CARM1: variants seen among roughly 807,000 people sequenced by gnomAD.
The protein encoded by CARM1 is coactivator associated arginine methyltransferase 1, also known as histone-arginine methyltransferase CARM1.
Under a neutral mutation model 72.7 loss-of-function variants are expected in CARM1, and 14 were observed. The observed-to-expected ratio is 0.19, with a 90% CI of 0.13 to 0.30. CARM1 has a LOEUF of 0.30. Among genes scored for constraint, CARM1 ranks in the 10% least tolerant of loss-of-function variants. CARM1 has a pLI of 1.00. For missense variants in CARM1, 432 were observed against 833.7 expected (o/e 0.52, Z 5.93); for synonymous variants, 333 against 345.5 (o/e 0.96, Z 0.40).
chr19:10,878,501 C>G (rs1176589260), intron 1 of CARM1, among the ~76,000 whole-genome samples: 1 of 152,178 alleles, frequency 6.6e-6, no homozygotes. Flanking sequence ...TCTGTGAGGT[C>G]AGAGATACCA....
Position 10,871,625 on chromosome 19 carries a change from GGCGGCGGCGGCGGCA to G in CARM1, c.-66_-52del, listed in dbSNP as rs1415856406. On this transcript the variant is annotated 5_prime_UTR_variant, in exon 1 of 16. Transcript: ENST00000327064. This position sits in a 1 kb window ranked among gnomAD's most constrained non-coding sequence, Gnocchi z 5.6. ...CGGCGGCGGCGGCGGCGGCGGCGGC[GGCGGCGGCGGCGGCA>G]GCGGCGGCGGCCTGGGCCCGGGCGC... 147 of 165,934 alleles carry G rather than the reference GGCGGCGGCGGCGGCA, an allele frequency of 8.9e-4. 1 individual carries two copies. Among genetic ancestry groups the G allele is most frequent in the South Asian group, 4.8e-3 (24 of 4,988 alleles). 10.3% of individuals were successfully genotyped at this position (165,934 alleles called of 1,614,324 possible).
At chr19:10,904,840 A>G in intron 1 of CARM1, 111 bp from the exon 2 acceptor site, 2 of 1,449,648 alleles carry the variant, frequency 1.4e-6, no homozygotes, top group South Asian at 2.5e-5. Flanking sequence ...GGCACTCTGG[A>G]AGAATCTGGG....
At chr19:10,874,148 T>C (rs898300160) in intron 1 of CARM1, among the ~76,000 whole-genome samples, 4 of 152,266 alleles carry the variant, frequency 2.6e-5, no homozygotes, top group African/African-American at 9.6e-5. Flanking sequence ...AAGGTTTCAC[T>C]ATGTCACTGT....
intron 1 of CARM1, among the ~76,000 whole-genome samples, chr19:10,883,824 C>T (rs1426800340): frequency 6.6e-6 from 1 of 151,378 alleles, no homozygotes; most frequent in Non-Finnish European, 1.5e-5. Flanking sequence ...TCAAGACCAG[C>T]CTGGCCAACA....
chr19:10,887,953 C>G (rs2073953800), intron 1 of CARM1, among the ~76,000 whole-genome samples: 1 of 152,238 alleles, frequency 6.6e-6, no homozygotes, highest in Non-Finnish European at 1.5e-5. Flanking sequence ...ACTGAGCTCT[C>G]TGTCCTTGGC....
In CARM1 at chr19:10,871,577, GGCGGTAGCGGCA is replaced by G. The variant is rs2073812515; in HGVS notation, c.-121_-110del. 4.8e-5 allele frequency: 7 copies of G among 144,892 alleles called. No homozygotes were observed. Among genetic ancestry groups the G allele is most frequent in the African/African-American group, 1.3e-4 (5 of 39,248 alleles). 9.0% of individuals were successfully genotyped at this position (144,892 alleles called of 1,614,324 possible). ...CCTCGGCCTGCACGGCGGCTGCGGC[GGCGGTAGCGGCA>G]GCGGCGGCGGCGGCGGCGGCGGCGG... On this transcript the variant is annotated 5_prime_UTR_variant, in exon 1 of 16. Transcript: ENST00000327064. The surrounding 1 kb of genome is among the most constrained non-coding windows in gnomAD (Gnocchi z 5.6).
rs1307488165 is a variant in CARM1 at position 10,871,586 on chromosome 19, G to GGCA, written c.-114_-112dup. 1.4e-4 allele frequency: 19 copies of GGCA among 131,246 alleles called. No individual in the cohort carries two copies. Among genetic ancestry groups the GGCA allele is most frequent in the African/African-American group, 4.0e-4 (14 of 35,360 alleles). The allele number at this position is 131,246 out of a possible 1,614,324, so 8.1% of individuals were successfully genotyped here. On this transcript the variant is annotated 5_prime_UTR_variant, in exon 1 of 16. Coordinates refer to ENST00000327064, the MANE Select transcript of CARM1 (RefSeq NM_199141.2). This position sits in a 1 kb window ranked among gnomAD's most constrained non-coding sequence, Gnocchi z 5.6. ...GCACGGCGGCTGCGGCGGCGGTAGCGGCAGCGGCGGCGGCGGCGGCGGCGG... is the reference window on the plus strand; with the variant it reads ...GCACGGCGGCTGCGGCGGCGGTAGCGGCAGCAGCGGCGGCGGCGGCGGCGGCGG...
At chr19:10,899,673 G>A (rs1021493456) in intron 1 of CARM1, among the ~76,000 whole-genome samples, 1 of 152,022 alleles carries the variant, frequency 6.6e-6, no homozygotes, top group African/African-American at 2.4e-5. Flanking sequence ...CATATCTGTA[G>A]GCCCTCATAC....
intron 1 of CARM1, among the ~76,000 whole-genome samples, chr19:10,893,511 T>G (rs571277978): frequency 1.1e-4 from 16 of 152,280 alleles, no homozygotes; most frequent in Non-Finnish European, 2.4e-4. Flanking sequence ...GCTAATTTTT[T>G]TTATTTTTAG....
At chr19:10,873,330 G>T (rs911227276) in intron 1 of CARM1, among the ~76,000 whole-genome samples, 1 of 151,922 alleles carries the variant, frequency 6.6e-6, no homozygotes, top group Non-Finnish European at 1.5e-5. Flanking sequence ...AGGACCAGGC[G>T]GGGTAGCTCA....
intron 1 of CARM1, among the ~76,000 whole-genome samples, chr19:10,883,278 C>T (rs1055668938): frequency 6.6e-6 from 1 of 152,138 alleles, no homozygotes; most frequent in African/African-American, 2.4e-5. Flanking sequence ...GAAGATGTAT[C>T]CCAAGTTGTC....
At chr19:10,876,902 G>T (rs767756045) in intron 1 of CARM1, among the ~76,000 whole-genome samples, 2 of 152,258 alleles carry the variant, frequency 1.3e-5, no homozygotes, top group African/African-American at 2.4e-5. Flanking sequence ...TTCTTGGTCA[G>T]CACGAGTCAG....
intron 3 of CARM1, 92 bp downstream of exon 3, chr19:10,908,237 A>C: frequency 1.2e-6 from 1 of 819,558 alleles, no homozygotes; most frequent in Non-Finnish European, 2.1e-6. Context: ...GGGAAGGCCC[A>C]CCCAAGTTCC....
At chr19:10,884,447 A>G (rs1490782788) in intron 1 of CARM1, among the ~76,000 whole-genome samples, 1 of 151,626 alleles carries the variant, frequency 6.6e-6, no homozygotes, top group Non-Finnish European at 1.5e-5. Context: ...TTGGCCTCCC[A>G]AAGATCTAGG....
intron 4 of CARM1, among the ~76,000 whole-genome samples, chr19:10,910,098 C>T (rs1482272847): frequency 2.6e-5 from 4 of 152,052 alleles, no homozygotes; most frequent in African/African-American, 7.2e-5. Flanking sequence ...GCCTCAAAAA[C>T]AAAATAAATA....
At chr19:10,909,895 T>C (rs780887977) in intron 4 of CARM1, among the ~76,000 whole-genome samples, 2 of 152,190 alleles carry the variant, frequency 1.3e-5, no homozygotes, top group Non-Finnish European at 2.9e-5. Context: ...TTCTTCAAGA[T>C]TTTTCCCCAT....
At position 10,890,760 on chromosome 19, in the gene CARM1, C is replaced by T. The variant is rs1200539040; in HGVS notation, c.221-14191C>T. On this transcript the variant is annotated intron_variant, in intron 1 of 15. Coordinates refer to ENST00000327064, the MANE Select transcript of CARM1 (RefSeq NM_199141.2). ...ATATACACATGCATATACACACACACATATACACACACACATATATATATA... is the reference window on the plus strand; with the variant it reads ...ATATACACATGCATATACACACACATATATACACACACACATATATATATA... Among the ~76,000 whole-genome samples the T allele has an allele frequency of 7.3e-5, 9 of 122,998 alleles. No homozygotes were observed. In the South Asian group the frequency reaches 1.3e-3, roughly 18 times the overall value. The allele number at this position is 122,998 out of a possible 152,430, so 80.7% of individuals were successfully genotyped here.
At chr19:10,913,124 G>T (rs925886053) in intron 5 of CARM1, among the ~76,000 whole-genome samples, 3 of 146,210 alleles carry the variant, frequency 2.1e-5, no homozygotes, top group Non-Finnish European at 3.1e-5. Context: ...CTTTTTTTTT[G>T]GGGGGGGTCT....
rs184750645 is a variant in CARM1, at chr19:10,892,080, G to A, written c.221-12871G>A. On this transcript the variant is annotated intron_variant, in intron 1 of 15. Coordinates refer to ENST00000327064, the MANE Select transcript of CARM1 (RefSeq NM_199141.2). ...GGTTTTACACCACTCTGTGCCTTAC[G>A]TTGTGGCTCGATCATTTAACATGTC... Among the ~76,000 whole-genome samples, 842 of 152,264 alleles carry A rather than the reference G, an allele frequency of 5.5e-3. 3 individuals carry two copies. Among genetic ancestry groups the A allele is most frequent in the Middle Eastern group, 0.017 (5 of 294 alleles).
Sources: allele counts gnomAD v4.1 joint callset (sites outside exome capture counted in the v4.1 genomes callset), GRCh38; gene constraint gnomAD v4.1.1; non-coding constraint Gnocchi (gnomAD v3.1); transcripts MANE v1.5; gene names NCBI Gene and HGNC (gene_info 2026-07-23, HGNC 2026-07-21).